Variants in GLP1R observed in about 807,000 individuals in gnomAD.
GLP1R encodes the protein glucagon like peptide 1 receptor, also known as glucagon-like peptide 1 receptor.
In GLP1R, 32 loss-of-function variants were observed where a neutral mutation model predicts 68.4. That is an observed-to-expected ratio of 0.47 (90% CI 0.35 to 0.63). GLP1R has a LOEUF of 0.63. GLP1R is among the 20% of genes least tolerant of loss of function. The probability of loss-of-function intolerance (pLI) is 0.00; values close to 1 mark genes in which losing one functional copy is unlikely to be tolerated. For synonymous variants in GLP1R, 263 were observed against 244.4 expected, an observed-to-expected ratio of 1.08 and a Z score of -0.71; for missense variants, 502 against 594.9, an observed-to-expected ratio of 0.84 and a Z score of 1.62.
At chr6:39,056,312 T>G in intron 1 of GLP1R, 85 bp from the exon 2 acceptor site, 4 of 683,118 alleles carry the variant, frequency 5.9e-6, no homozygotes, top group Non-Finnish European at 7.8e-6. Context: ...TCATGGAGAT[T>G]GAGAAACCAA....
Position 39,049,070 on chromosome 6 carries a change from G to C in GLP1R, c.78+152G>C, listed in dbSNP as rs1169964431. The C allele has an allele frequency of 1.9e-5, 9 of 475,520 alleles. No individual in the cohort carries two copies. The highest frequency in any genetic ancestry group is 4.3e-5 in the Admixed American group (1 of 23,142). 29.5% of individuals were successfully genotyped at this position (475,520 alleles called of 1,614,324 possible). On this transcript the variant is annotated intron_variant, in intron 1 of 12. Transcript: ENST00000373256. This position sits in a 1 kb window ranked among gnomAD's most constrained non-coding sequence, Gnocchi z 4.5. ...AGCCTCGGGGGGAGTAGGGACTGGAGACTTGGTGCCCCTGGGCTGGAAGGC... is the reference window on the plus strand; with the variant it reads ...AGCCTCGGGGGGAGTAGGGACTGGACACTTGGTGCCCCTGGGCTGGAAGGC...
chr6:39,085,162 CT>C (rs1279699558), intron 12 of GLP1R, among the ~76,000 whole-genome samples: 2 of 152,126 alleles, frequency 1.3e-5, no homozygotes, highest in Admixed American at 6.5e-5. Flanking sequence ...CACAGTGTTA[CT>C]TGGATTTGTC....
In GLP1R at chr6:39,082,525, G is replaced by A. The variant is rs187123282; in HGVS notation, c.1224+1786G>A. On this transcript the variant is annotated intron_variant, in intron 12 of 12. Transcript: ENST00000373256. ...AGGTCTTAGAGGACCCAGCGGCTCC[G>A]TTTGGAGGGTAGGGCAGGGAACAGG... Among the ~76,000 whole-genome samples, 259 of 152,302 alleles carry A rather than the reference G, an allele frequency of 1.7e-3. 7 individuals carry two copies. The highest frequency in any genetic ancestry group is 0.013 in the Admixed American group (204 of 15,306).
At chr6:39,077,933 G>A (rs1047225787) in intron 7 of GLP1R, among the ~76,000 whole-genome samples, 2 of 152,194 alleles carry the variant, frequency 1.3e-5, no homozygotes, top group Non-Finnish European at 2.9e-5. Flanking sequence ...GAGAGAAAAT[G>A]GGCATCAGAG....
intron 3 of GLP1R, among the ~76,000 whole-genome samples, chr6:39,059,207 C>T (rs1768292415): frequency 6.6e-6 from 1 of 152,230 alleles, no homozygotes; most frequent in South Asian, 2.1e-4. Context: ...TTCCGTGCTA[C>T]ACTCTTTTCA....
At chr6:39,052,028 C>T (rs541423139) in intron 1 of GLP1R, among the ~76,000 whole-genome samples, 4 of 151,552 alleles carry the variant, frequency 2.6e-5, no homozygotes, top group South Asian at 2.1e-4. Context: ...TCTCAGCATG[C>T]GACTGTGTAC....
At chr6:39,081,512 C>G (rs1309991265) in intron 12 of GLP1R, among the ~76,000 whole-genome samples, 29 of 152,138 alleles carry the variant, frequency 1.9e-4, no homozygotes, top group Admixed American at 1.8e-3. Context: ...ATGGTCAGCT[C>G]CTGGGAGGAG....
At chr6:39,082,930 T>TC (rs1220038381) in intron 12 of GLP1R, among the ~76,000 whole-genome samples, 3 of 151,366 alleles carry the variant, frequency 2.0e-5, no homozygotes, top group Admixed American at 1.3e-4. Flanking sequence ...GTGCTTGGCT[T>TC]CCCCCCCGCC....
chr6:39,079,236 A>G lies in GLP1R; in HGVS notation c.1043+36A>G, dbSNP rs1238086311. The G allele has an allele frequency of 1.0e-5, 14 of 1,389,164 alleles. No individual in the cohort carries two copies. The highest frequency in any genetic ancestry group is 1.4e-5 in the Non-Finnish European group (14 of 974,650). 86.1% of individuals were successfully genotyped at this position (1,389,164 alleles called of 1,614,324 possible). A position where few individuals can be genotyped will look rare whatever the true frequency, so the allele number is the denominator to read the frequency against. On this transcript the variant is annotated intron_variant, in intron 10 of 12. Coordinates refer to ENST00000373256, the MANE Select transcript of GLP1R (RefSeq NM_002062.5). The surrounding 1 kb of genome is among the most constrained non-coding windows in gnomAD (Gnocchi z 4.5). ...TGAGCTGGCTTTACTGAGGACCCTC[A>G]GCAAGTGCCCCTTTCCTTCTAGCAG... is the stretch of plus-strand genomic sequence containing the variant.
chr6:39,079,102 C>T lies in GLP1R; in HGVS notation c.955-10C>T. The T allele has an allele frequency of 6.2e-7, 1 of 1,613,584 alleles. No homozygotes were observed. Among genetic ancestry groups the T allele is most frequent in the Non-Finnish European group, 8.5e-7 (1 of 1,179,480 alleles). ...GGTGCCCCCTGCCAATCCCCGGCCCCACCCCGCAGGTGAACTTCCTCATCT... is the reference window on the plus strand; with the variant it reads ...GGTGCCCCCTGCCAATCCCCGGCCCTACCCCGCAGGTGAACTTCCTCATCT... On this transcript the variant is annotated splice_polypyrimidine_tract_variant and intron_variant, in intron 9 of 12. Transcript: ENST00000373256. The surrounding 1 kb of genome is among the most constrained non-coding windows in gnomAD (Gnocchi z 4.5).
intron 1 of GLP1R, among the ~76,000 whole-genome samples, chr6:39,050,801 T>C (rs80298419): frequency 0.056 from 8,553 of 152,192 alleles, 384 homozygotes; most frequent in African/African-American, 0.12. Context: ...GATGGGGGAA[T>C]GAAAGCTCAG....
intron 7 of GLP1R, among the ~76,000 whole-genome samples, chr6:39,077,550 C>G (rs1277019481): frequency 6.6e-6 from 1 of 152,206 alleles, no homozygotes; most frequent in Non-Finnish European, 1.5e-5. Flanking sequence ...GCCACAGTGT[C>G]TTTTATAACA....
At chr6:39,051,020 G>T (rs1768074855) in intron 1 of GLP1R, among the ~76,000 whole-genome samples, 2 of 152,088 alleles carry the variant, frequency 1.3e-5, no homozygotes, top group South Asian at 4.1e-4. Flanking sequence ...TCTGAAGAAG[G>T]TGCCCTAGGC....
At chr6:39,068,368 G>T (rs1768572535) in intron 5 of GLP1R, among the ~76,000 whole-genome samples, 1 of 152,046 alleles carries the variant, frequency 6.6e-6, no homozygotes, top group Non-Finnish European at 1.5e-5. Context: ...TGTGCTGGTG[G>T]CTCTACCAGT....
chr6:39,085,773 C>G (rs1412206720), intron 12 of GLP1R, 133 bp from the exon 13 acceptor site: 2 of 797,860 alleles, frequency 2.5e-6, no homozygotes, highest in East Asian at 2.5e-5. Context: ...TTTAGGAGCC[C>G]GAAGGCCTTG....
intron 12 of GLP1R, among the ~76,000 whole-genome samples, chr6:39,085,472 C>T (rs770060713): frequency 5.9e-5 from 9 of 152,194 alleles, no homozygotes; most frequent in Non-Finnish European, 1.2e-4. Context: ...CTGCTGTAGA[C>T]ACCAGGAAGG....
chr6:39,073,770 G>A lies in GLP1R; in HGVS notation c.823+1G>A. The A allele has an allele frequency of 6.2e-7, 1 of 1,613,766 alleles. No individual in the cohort carries two copies. Among genetic ancestry groups the A allele is most frequent in the Non-Finnish European group, 8.5e-7 (1 of 1,179,836 alleles). ...AGGCTCTACGTGAGCATAGGCTGGG[G>A]TAAGAACCGCCATCACCCACCCTGG... On this transcript the variant is annotated splice_donor_variant, in intron 7 of 12. Transcript: ENST00000373256. LOFTEE classifies it high-confidence loss of function.
At position 39,057,595 on chromosome 6, in the gene GLP1R, G is replaced by T. The variant is rs201425832; in HGVS notation, c.283+16G>T. On this transcript the variant is annotated intron_variant, in intron 3 of 12. Transcript: ENST00000373256. ...GCCAGCAGTGGTGAGCCCCCTCCCC[G>T]ACCTGGTACCTGCCCTGGGCCAGCA... The T allele has an allele frequency of 3.0e-5, 43 of 1,415,078 alleles. 1 individual carries two copies. The South Asian group carries it at 4.4e-4, about 14-fold the overall frequency. The allele number at this position is 1,415,078 out of a possible 1,614,324, so 87.7% of individuals were successfully genotyped here. A position where few individuals can be genotyped will look rare whatever the true frequency, so the allele number is the denominator to read the frequency against.
intron 3 of GLP1R, among the ~76,000 whole-genome samples, chr6:39,058,672 C>T (rs1341185221): frequency 6.6e-6 from 1 of 152,012 alleles, no homozygotes; most frequent in East Asian, 1.9e-4. Context: ...TCATCATCAC[C>T]ATCACCATCA....
Sources: gnomAD v4.1 joint callset for allele counts (sites outside exome capture counted in the v4.1 genomes callset) on GRCh38, gnomAD v4.1.1 for gene constraint, Gnocchi (gnomAD v3.1) non-coding constraint, MANE v1.5 for transcripts, NCBI Gene and HGNC (gene_info 2026-07-23, HGNC 2026-07-21) for gene names.